NTRK3: variants seen among roughly 807,000 people sequenced by gnomAD.
The protein encoded by NTRK3 is NT-3 growth factor receptor.
In NTRK3, 24 loss-of-function variants were observed where a neutral mutation model predicts 91.7. That is an observed-to-expected ratio of 0.26 (90% CI 0.19 to 0.37). The LOEUF (loss-of-function observed/expected upper bound fraction) is 0.37, where lower values mean the gene tolerates loss of function less well. Ranked by LOEUF, NTRK3 falls within the 10% of genes least tolerant of loss-of-function variation. The pLI is 1.00. For missense variants in NTRK3, 880 were observed against 1,068.9 expected (o/e 0.82, Z 2.46); for synonymous variants, 483 against 404.0 (o/e 1.20, Z -2.34).
At chr15:87,866,786 GT>G (rs1238635468) in exon 19 of NTRK3, 2 of 193,446 alleles carry the variant, frequency 1.0e-5, no homozygotes, top group East Asian at 1.6e-4. Flanking sequence ...CACAGAAAAG[GT>G]TTCATTTGAT....
intron 4 of NTRK3, among the ~76,000 whole-genome samples, chr15:88,183,917 G>A (rs2046737225): frequency 6.6e-6 from 1 of 152,168 alleles, no homozygotes; most frequent in African/African-American, 2.4e-5. Context: ...CAAGCATAAG[G>A]GTAGGGAAAG....
intron 17 of NTRK3, chr15:87,925,709 C>T (rs539211322): frequency 1.8e-4 from 33 of 184,680 alleles, no homozygotes; most frequent in Non-Finnish European, 3.0e-4. Context: ...GTGGACTTAG[C>T]TCTAGGATTC....
chr15:88,041,785 A>T (rs17754778), intron 13 of NTRK3, among the ~76,000 whole-genome samples: 33,535 of 146,238 alleles, frequency 0.23, 4,306 homozygotes, highest in Middle Eastern at 0.38. Context: ...CTTCGCGTGC[A>T]TCACACCATC....
At chr15:88,088,980 C>T (rs956306281) in intron 13 of NTRK3, among the ~76,000 whole-genome samples, 14 of 152,166 alleles carry the variant, frequency 9.2e-5, no homozygotes, top group Admixed American at 7.2e-4. Context: ...ACAATCTGTA[C>T]TGAATATAGT....
intron 13 of NTRK3, among the ~76,000 whole-genome samples, chr15:88,039,097 T>G (rs1161787937): frequency 6.7e-6 from 1 of 149,156 alleles, no homozygotes; most frequent in Non-Finnish European, 1.5e-5. Flanking sequence ...GGAGTCAAGC[T>G]TTGATGTCTA....
intron 13 of NTRK3, among the ~76,000 whole-genome samples, chr15:88,094,242 G>A (rs2049335593): frequency 1.3e-5 from 2 of 152,078 alleles, no homozygotes; most frequent in South Asian, 4.2e-4. Flanking sequence ...TGAGGCGGGT[G>A]GATCATGAGG....
chr15:87,992,925 A>G (rs1048962854), intron 14 of NTRK3, among the ~76,000 whole-genome samples: 5 of 152,244 alleles, frequency 3.3e-5, no homozygotes, highest in Admixed American at 1.3e-4. Context: ...TTTCAGAACC[A>G]TGTAATCTGA....
chr15:87,901,602 T>C (rs538603844), intron 17 of NTRK3, among the ~76,000 whole-genome samples: 6 of 152,210 alleles, frequency 3.9e-5, no homozygotes, highest in Non-Finnish European at 8.8e-5. Context: ...TGAACATGGA[T>C]ATAGAACAAC....
At chr15:87,953,130 GCC>G (rs560165650) in intron 14 of NTRK3, among the ~76,000 whole-genome samples, 2 of 152,194 alleles carry the variant, frequency 1.3e-5, no homozygotes, top group Non-Finnish European at 2.9e-5. Flanking sequence ...AAACGCACTG[GCC>G]GGTGGTTTTC....
intron 14 of NTRK3, among the ~76,000 whole-genome samples, chr15:88,016,664 C>T (rs1183127067): frequency 1.3e-5 from 2 of 152,214 alleles, no homozygotes; most frequent in Admixed American, 6.5e-5. Flanking sequence ...TACAAGAGAC[C>T]TGTCATTTAT....
intron 3 of NTRK3, among the ~76,000 whole-genome samples, chr15:88,212,033 A>G (rs1274732351): frequency 6.6e-6 from 1 of 152,230 alleles, no homozygotes; most frequent in South Asian, 2.1e-4. Flanking sequence ...CATGAATCAA[A>G]TGTGAAGAAT....
In NTRK3 at chr15:88,099,324, A is replaced by ATGATT. The variant is rs1408735704; in HGVS notation, c.1396+26942_1396+26946dup. The ATGATT allele has an allele frequency of 1.9e-5, 4 of 209,886 alleles. No individual in the cohort carries two copies. In the East Asian group the frequency reaches 2.8e-4, roughly 15 times the overall value. The allele number at this position is 209,886 out of a possible 1,614,324, so 13.0% of individuals were successfully genotyped here. ...GGTCCAGCTGATGAAAAGAAAAAAG[A>ATGATT]TGATTTGGAGAAGGAACATGGAAGA... On this transcript the variant is annotated intron_variant, in intron 13 of 18. Transcript: ENST00000394480.
rs1195313056 is a variant in NTRK3, at chr15:88,208,606, AGT to A, written c.249-24309_249-24308del. 3.3e-5 allele frequency among the ~76,000 whole-genome samples: 5 copies of A among 152,270 alleles called. No individual in the cohort carries two copies. In the East Asian group the frequency reaches 9.7e-4, roughly 30 times the overall value. ...CATAGAACACACTTTGAGTAGCAAG[AGT>A]GTGCCTGCACAATGCCTGGCCACAG... On this transcript the variant is annotated intron_variant, in intron 3 of 18. Coordinates refer to ENST00000394480, the Ensembl canonical transcript of NTRK3.
At chr15:88,114,615 T>G (rs1298888481) in intron 13 of NTRK3, among the ~76,000 whole-genome samples, 1 of 152,200 alleles carries the variant, frequency 6.6e-6, no homozygotes, top group Non-Finnish European at 1.5e-5. Flanking sequence ...GCAGAAATAA[T>G]GTGGCACAGA....
intron 14 of NTRK3, among the ~76,000 whole-genome samples, chr15:88,026,701 G>A (rs1371299666): frequency 1.3e-5 from 2 of 152,208 alleles, no homozygotes; most frequent in African/African-American, 4.8e-5. Context: ...TATGCAAAAT[G>A]TTAATAATAG....
At chr15:88,236,533 A>T (rs2051761799) in intron 3 of NTRK3, among the ~76,000 whole-genome samples, 2 of 150,080 alleles carry the variant, frequency 1.3e-5, no homozygotes, top group African/African-American at 4.9e-5. Context: ...AAAAAAAAAA[A>T]AAAAAATTGT....
intron 3 of NTRK3, among the ~76,000 whole-genome samples, chr15:88,196,350 G>A (rs780731234): frequency 3.3e-5 from 5 of 152,162 alleles, no homozygotes; most frequent in South Asian, 2.1e-4. Context: ...ACAGCAAGCC[G>A]GGATGCGACC....
In NTRK3 at chr15:88,080,732, G is replaced by C. The variant is rs147190662; in HGVS notation, c.1396+45539C>G. On this transcript the variant is annotated intron_variant, in intron 13 of 18. Transcript: ENST00000394480. ...TGGAAGGCAGGAGCAAAGACCCAGA[G>C]TCCAAACAACTGAGGCTGGTTAGTC... 6.4e-3 allele frequency among the ~76,000 whole-genome samples: 973 copies of C among 152,364 alleles called. 14 individuals carry two copies. The highest frequency in any genetic ancestry group is 0.022 in the African/African-American group (920 of 41,588).
chr15:87,946,387 T>C (rs1283313083), intron 14 of NTRK3: 2 of 152,242 alleles, frequency 1.3e-5, no homozygotes, highest in African/African-American at 4.8e-5. Flanking sequence ...TCCTGCTGTA[T>C]GCCAAGCAGC....
Sources: gnomAD v4.1 joint callset for allele counts (sites outside exome capture counted in the v4.1 genomes callset) on GRCh38, gnomAD v4.1.1 for gene constraint, MANE v1.5 for transcripts, NCBI Gene and HGNC (gene_info 2026-07-23, HGNC 2026-07-21) for gene names.